The following KHDRBS2 variants were observed in gnomAD, a reference collection of about 807,000 sequenced individuals.
KHDRBS2 encodes KH domain-containing, RNA-binding, signal transduction-associated protein 2.
In KHDRBS2, 26 loss-of-function variants were observed where a neutral mutation model predicts 44.3. The observed-to-expected ratio is 0.59, with a 90% CI of 0.43 to 0.81. The LOEUF is 0.81. Among genes scored for constraint, KHDRBS2 ranks in the 40% least tolerant of loss-of-function variants. KHDRBS2 has a pLI of 0.00. For synonymous variants in KHDRBS2, 194 were observed against 151.1 expected (o/e 1.28, Z -2.08); for missense variants, 476 against 433.1 (o/e 1.10, Z -0.88).
chr6:61,739,520 A>G (rs1195374961), intron 6 of KHDRBS2, among the ~76,000 whole-genome samples: 1 of 151,932 alleles, frequency 6.6e-6, no homozygotes, highest in Non-Finnish European at 1.5e-5. Context: ...AATGCTCTGA[A>G]TTAGACAATG....
At chr6:61,733,213 C>T (rs1774768251) in intron 6 of KHDRBS2, among the ~76,000 whole-genome samples, 1 of 151,710 alleles carries the variant, frequency 6.6e-6, no homozygotes, top group South Asian at 2.1e-4. Context: ...AGTCAACTTT[C>T]AGTAAAAATT....
At chr6:61,917,924 A>C (rs1434598590) in intron 4 of KHDRBS2, among the ~76,000 whole-genome samples, 1 of 152,020 alleles carries the variant, frequency 6.6e-6, no homozygotes, top group Non-Finnish European at 1.5e-5. Flanking sequence ...CATATTGCTA[A>C]ATAAGTACTT....
chr6:61,661,424 T>C, the KHDRBS2 span: 2 of 151,908 alleles, frequency 1.3e-5, no homozygotes, highest in Admixed American at 1.3e-4. Flanking sequence ...TACAGGCATC[T>C]ATAAGGCATT....
Position 61,680,142 on chromosome 6 carries a change from A to C in KHDRBS2, c.*821T>G, listed in dbSNP as rs374146814. The C allele has an allele frequency of 1.3e-5, 2 of 152,376 alleles. No individual in the cohort carries two copies. Among genetic ancestry groups the C allele is most frequent in the East Asian group, 3.9e-4 (2 of 5,148 alleles). 9.4% of individuals were successfully genotyped at this position (152,376 alleles called of 1,614,324 possible). A position where few individuals can be genotyped will look rare whatever the true frequency, so the allele number is the denominator to read the frequency against. On this transcript the variant is annotated 3_prime_UTR_variant, in exon 9 of 9. Coordinates refer to ENST00000281156, the MANE Select transcript of KHDRBS2 (RefSeq NM_152688.4). ...AATATCTTAAAACAGACTTGGGTTCATTTTTGTAATTTTTAAATAGAAAAC... is the reference window on the plus strand; with the variant it reads ...AATATCTTAAAACAGACTTGGGTTCCTTTTTGTAATTTTTAAATAGAAAAC...
chr6:62,026,430 T>C (rs1783325674), intron 3 of KHDRBS2, among the ~76,000 whole-genome samples: 2 of 140,956 alleles, frequency 1.4e-5, no homozygotes, highest in Non-Finnish European at 3.2e-5. Context: ...ATTATTATTA[T>C]TATTATTATT....
In KHDRBS2 at chr6:62,020,482, T is replaced by C. The variant is rs576230817; in HGVS notation, c.336+27396A>G. The stretch of plus-strand genomic sequence containing the variant: ...TAACTCAGTTTGGTTGAAAATATTG[T>C]TCAACTCTTCTCTATCCTTAATGAT... On this transcript the variant is annotated intron_variant, in intron 3 of 8. Transcript: ENST00000281156. 2.6e-5 allele frequency among the ~76,000 whole-genome samples: 4 copies of C among 152,132 alleles called. No homozygotes were observed. The East Asian group carries it at 7.7e-4, about 29-fold the overall frequency.
At chr6:61,957,959 A>G (rs1350886962) in intron 4 of KHDRBS2, among the ~76,000 whole-genome samples, 1 of 152,138 alleles carries the variant, frequency 6.6e-6, no homozygotes, top group African/African-American at 2.4e-5. Context: ...TTTATTTCTC[A>G]GACTGGCCAA....
In KHDRBS2 at chr6:61,993,956, C is replaced by G. The variant is rs114626625; in HGVS notation, c.337-15744G>C. ...CTCAATGATAACTGTCAAACTCACA[C>G]GTGATAATCATATTTTACCTCATAT... On this transcript the variant is annotated intron_variant, in intron 3 of 8. Coordinates refer to ENST00000281156, the MANE Select transcript of KHDRBS2 (RefSeq NM_152688.4). Among the ~76,000 whole-genome samples, 3 of 151,928 alleles carry G rather than the reference C, an allele frequency of 2.0e-5. 1 individual carries two copies. Among genetic ancestry groups the G allele is most frequent in the Non-Finnish European group, 4.4e-5 (3 of 67,994 alleles).
chr6:61,690,234 T>G (rs911261238), intron 8 of KHDRBS2, among the ~76,000 whole-genome samples: 4 of 151,946 alleles, frequency 2.6e-5, no homozygotes, highest in African/African-American at 9.7e-5. Context: ...GTGGGCAAAA[T>G]TTTTCACCAT....
chr6:61,619,500 G>A, the KHDRBS2 span, among the ~76,000 whole-genome samples: 5 of 152,100 alleles, frequency 3.3e-5, no homozygotes, highest in East Asian at 7.7e-4. Flanking sequence ...TGTTGCCCAG[G>A]CTGGAGTGCA....
At chr6:62,096,361 T>C (rs542842468) in intron 2 of KHDRBS2, among the ~76,000 whole-genome samples, 28 of 152,094 alleles carry the variant, frequency 1.8e-4, no homozygotes, top group African/African-American at 6.7e-4. Flanking sequence ...TCCTAGATTT[T>C]TCTTTGATGG....
intron 2 of KHDRBS2, among the ~76,000 whole-genome samples, chr6:62,117,783 A>ATT (rs996765135): frequency 6.7e-6 from 1 of 149,374 alleles, no homozygotes; most frequent in Non-Finnish European, 1.5e-5. Context: ...CAAATATTTT[A>ATT]TTTTTTTTTT....
At chr6:61,826,868 G>C (rs1444252977) in intron 6 of KHDRBS2, among the ~76,000 whole-genome samples, 2 of 152,034 alleles carry the variant, frequency 1.3e-5, no homozygotes, top group African/African-American at 4.8e-5. Flanking sequence ...GTGAGTTACA[G>C]AACCCAAAGC....
the KHDRBS2 span, among the ~76,000 whole-genome samples, chr6:61,636,700 C>T: frequency 2.0e-5 from 3 of 152,096 alleles, no homozygotes; most frequent in Non-Finnish European, 4.4e-5. Context: ...TAAGAAGTAT[C>T]TGATTCAAAA....
chr6:61,591,761 A>T, the KHDRBS2 span, among the ~76,000 whole-genome samples: 1 of 152,202 alleles, frequency 6.6e-6, no homozygotes, highest in East Asian at 1.9e-4. Context: ...AATTTACCAC[A>T]GCCCTGCTCT....
intron 7 of KHDRBS2, among the ~76,000 whole-genome samples, chr6:61,721,692 G>A (rs1312117407): frequency 1.6e-5 from 2 of 121,418 alleles, no homozygotes; most frequent in South Asian, 2.6e-4. Flanking sequence ...GAGACGATGG[G>A]GTTTTCTAGC....
intron 2 of KHDRBS2, among the ~76,000 whole-genome samples, chr6:62,105,693 G>A (rs1297493152): frequency 4.0e-5 from 6 of 151,892 alleles, no homozygotes; most frequent in Admixed American, 1.3e-4. Flanking sequence ...TCTTGCTAGC[G>A]GTCTATCAAT....
intron 2 of KHDRBS2, among the ~76,000 whole-genome samples, chr6:62,164,329 GCATATAGACAA>G: frequency 6.6e-6 from 1 of 151,892 alleles, no homozygotes; most frequent in East Asian, 1.9e-4. Flanking sequence ...AAGGTATTCG[GCATATAGACAA>G]CACATAATAA....
chr6:61,598,097 T>C, the KHDRBS2 span, among the ~76,000 whole-genome samples: 1 of 150,570 alleles, frequency 6.6e-6, no homozygotes, highest in Non-Finnish European at 1.5e-5. Flanking sequence ...CCCACCCCAC[T>C]CCCTGCCACA....
Sources: allele counts gnomAD v4.1 joint callset (sites outside exome capture counted in the v4.1 genomes callset), GRCh38; gene constraint gnomAD v4.1.1; transcripts MANE v1.5; gene names NCBI Gene and HGNC (gene_info 2026-07-23, HGNC 2026-07-21).